Variants in MYL6 observed in about 807,000 individuals in gnomAD.
MYL6 encodes myosin light chain 6.
In MYL6, 20 loss-of-function variants were observed where a neutral mutation model predicts 20.3. The observed-to-expected ratio is 0.98, with a 90% CI of 0.69 to 1.43. The LOEUF (loss-of-function observed/expected upper bound fraction) is 1.43, where lower values mean the gene tolerates loss of function less well. MYL6 is among the 40% of genes most tolerant of loss of function. The pLI is 0.00. For synonymous variants in MYL6, 77 were observed against 72.4 expected, an observed-to-expected ratio of 1.06 and a Z score of -0.32; for missense variants, 164 against 191.0, an observed-to-expected ratio of 0.86 and a Z score of 0.83.
chr12:56,159,617 G>A lies in MYL6; in HGVS notation c.62G>A (p.Arg21Gln), dbSNP rs780249168. ...EFKEAFQLFD[R>Q]TGDGKILYSQ... ...AAGGAGGCCTTCCAGCTGTTTGACC[G>A]AACAGGTGATGGCAAGATCCTGTAC... Residue 21 changes from arginine (R) to glutamine (Q), a missense_variant, in exon 3 of 7, where the codon CGA becomes CAA. Physicochemically the swap from Arg to Gln is conservative, Grantham distance 43 (BLOSUM62 1). Transcript: ENST00000550697. The A allele has an allele frequency of 1.3e-5, 21 of 1,613,766 alleles. No individual in the cohort carries two copies. Among genetic ancestry groups the A allele is most frequent in the East Asian group, 2.2e-5 (1 of 44,894 alleles).
At position 56,158,385 on chromosome 12, in the gene MYL6, A is replaced by C; in HGVS notation, c.-17A>C. 2.0e-6 allele frequency: 3 copies of C among 1,519,970 alleles called. No homozygotes were observed. The highest frequency in any genetic ancestry group is 2.6e-6 in the Non-Finnish European group (3 of 1,137,026). The allele number at this position is 1,519,970 out of a possible 1,614,324, so 94.2% of individuals were successfully genotyped here. ...CCATTACTGCAGGAAAAGGTCCCGG[A>C]GAGCTGAGCAGTCAAGATGGTGGGG... On this transcript the variant is annotated 5_prime_UTR_variant, in exon 1 of 7. Transcript: ENST00000550697.
rs370468351 is a variant in MYL6, at chr12:56,161,409, T to C, written c.*39T>C. 3.1e-6 allele frequency: 5 copies of C among 1,614,102 alleles called. No homozygotes were observed. The African/African-American group carries it at 5.3e-5, about 17-fold the overall frequency. ...CAGAGCTCGTCCGCATGGTGCTGAA[T>C]GGCTGAGGACCTTCCCAGTCTCCCC... On this transcript the variant is annotated 3_prime_UTR_variant, in exon 7 of 7. Coordinates refer to ENST00000550697, the MANE Select transcript of MYL6 (RefSeq NM_021019.5).
At chr12:56,160,584 CTT>C (rs760953605) in intron 5 of MYL6, 40 bp from the exon 6 acceptor site, 2 of 1,611,134 alleles carry the variant, frequency 1.2e-6, no homozygotes, top group Non-Finnish European at 1.7e-6. Flanking sequence ...CACCCCATGT[CTT>C]TGTCTTGTCT....
intron 6 of MYL6, 171 bp from the exon 7 acceptor site, chr12:56,161,216 G>C: frequency 1.4e-6 from 1 of 715,682 alleles, no homozygotes; most frequent in Non-Finnish European, 2.5e-6. Context: ...GGAGCTAGGG[G>C]CATGGAGAAC....
chr12:56,160,055 T>C lies in MYL6; in HGVS notation c.256T>C (p.Tyr86His). ...TVAKNKDQGT[Y>H]EDYVEGLRVF... ...GGCCAAGAACAAGGACCAGGGCACC[T>C]ATGAGGATTATGTCGAAGGACTTCG... Residue 86 changes from tyrosine (Y) to histidine (H), a missense_variant, in exon 4 of 7, where the codon TAT becomes CAT. Coordinates refer to ENST00000550697, the MANE Select transcript of MYL6 (RefSeq NM_021019.5). 2 of 1,614,150 alleles carry C rather than the reference T, an allele frequency of 1.2e-6. No homozygotes were observed. Among genetic ancestry groups the C allele is most frequent in the Middle Eastern group, 1.6e-4 (1 of 6,062 alleles).
chr12:56,159,102 G>A (rs1327499272), intron 2 of MYL6: 2 of 409,774 alleles, frequency 4.9e-6, no homozygotes, highest in Non-Finnish European at 8.4e-6. Context: ...TGTGAAGATT[G>A]TAGAGCAGTG....
In MYL6 at chr12:56,159,983, G is replaced by A; in HGVS notation, c.184G>A (p.Val62Met). 6.2e-7 allele frequency: 1 copy of A among 1,612,392 alleles called. No homozygotes were observed. Among genetic ancestry groups the A allele is most frequent in the Non-Finnish European group, 8.5e-7 (1 of 1,179,224 alleles). ...CACCTCCTTTATGGCAGAGATGAAT[G>A]TGAAGGTGCTGGACTTTGAGCACTT... ...LGNPKSDEMN[V>M]KVLDFEHFLP... The change falls in exon 4 of 7, where the codon GTG (valine) becomes ATG (methionine). Residue 62 changes from valine to methionine, a missense_variant. Coordinates refer to ENST00000550697, the MANE Select transcript of MYL6 (RefSeq NM_021019.5).
chr12:56,158,524 G>A (rs745505804), intron 1 of MYL6, 120 bp downstream of exon 1: 7 of 1,607,946 alleles, frequency 4.4e-6, no homozygotes, highest in Middle Eastern at 1.6e-4. Flanking sequence ...CGAAAGGTTG[G>A]AGGTGGGGTT....
chr12:56,161,505 A>C lies in MYL6; in HGVS notation c.*135A>C. The C allele has an allele frequency of 6.8e-7, 1 of 1,470,582 alleles. No homozygotes were observed. The allele number at this position is 1,470,582 out of a possible 1,614,324, so 91.1% of individuals were successfully genotyped here. The stretch of plus-strand genomic sequence containing the variant: ...TTTCCCTAGGCTTTCTTGTCTCAGC[A>C]ACTTTCCCATCTTGTCTCTCTTGGA... On this transcript the variant is annotated 3_prime_UTR_variant, in exon 7 of 7. Transcript: ENST00000550697.
chr12:56,158,391 G>A lies in MYL6; in HGVS notation c.-11G>A, dbSNP rs934577254. On this transcript the variant is annotated 5_prime_UTR_variant, in exon 1 of 7. Coordinates refer to ENST00000550697, the MANE Select transcript of MYL6 (RefSeq NM_021019.5). ...CTGCAGGAAAAGGTCCCGGAGAGCT[G>A]AGCAGTCAAGATGGTGGGGCCCAGG... 9 of 1,523,030 alleles carry A rather than the reference G, an allele frequency of 5.9e-6. No individual in the cohort carries two copies. Among genetic ancestry groups the A allele is most frequent in the South Asian group, 2.6e-5 (2 of 75,772 alleles). The allele number at this position is 1,523,030 out of a possible 1,614,324, so 94.3% of individuals were successfully genotyped here. A position where few individuals can be genotyped will look rare whatever the true frequency, so the allele number is the denominator to read the frequency against.
chr12:56,158,555 G>C, intron 1 of MYL6, 129 bp from the exon 2 acceptor site: 1 of 1,613,410 alleles, frequency 6.2e-7, no homozygotes, highest in Non-Finnish European at 8.5e-7. Context: ...GGGCCCTGCG[G>C]GGAAGCGAGT....
intron 2 of MYL6, chr12:56,159,103 T>C (rs1871532979): frequency 4.9e-6 from 2 of 407,536 alleles, no homozygotes; most frequent in East Asian, 1.2e-4. Flanking sequence ...GTGAAGATTG[T>C]AGAGCAGTGA....
chr12:56,158,495 C>T, intron 1 of MYL6, 91 bp downstream of exon 1: 1 of 1,585,770 alleles, frequency 6.3e-7, no homozygotes, highest in Non-Finnish European at 8.6e-7. Context: ...GGGTAGGAGG[C>T]AAAGGGAATC....
chr12:56,160,812 G>C, intron 6 of MYL6, 142 bp downstream of exon 6: 1 of 934,606 alleles, frequency 1.1e-6, no homozygotes, highest in Non-Finnish European at 1.6e-6. Context: ...GACTAGGGAG[G>C]GGAGGGATTC....
Position 56,158,791 on chromosome 12 carries a change from A to C in MYL6, c.31+80A>C. 2.5e-6 allele frequency: 4 copies of C among 1,595,374 alleles called. No homozygotes were observed. In the East Asian group the frequency reaches 9.0e-5, roughly 36 times the overall value. On this transcript the variant is annotated intron_variant, in intron 2 of 6. Transcript: ENST00000550697. The stretch of plus-strand genomic sequence containing the variant: ...CCCCAGCACCTATCCTCTAATCTTA[A>C]TCTGTCATCTCTTTAGCACCCCCAT...
chr12:56,159,611 T>C lies in MYL6; in HGVS notation c.56T>C (p.Phe19Ser), dbSNP rs765841394. The C allele has an allele frequency of 3.2e-5, 52 of 1,613,846 alleles. No homozygotes were observed. Among genetic ancestry groups the C allele is most frequent in the Non-Finnish European group, 4.4e-5 (52 of 1,179,930 alleles). Residue 19 changes from phenylalanine to serine, a missense_variant, in exon 3 of 7, where the codon TTT becomes TCT. Phe to Ser is a radical substitution (Grantham distance 155, BLOSUM62 -2). Transcript: ENST00000550697. ...TAEFKEAFQL[F>S]DRTGDGKILY... The stretch of plus-strand genomic sequence containing the variant: ...GAGTTCAAGGAGGCCTTCCAGCTGT[T>C]TGACCGAACAGGTGATGGCAAGATC...
At chr12:56,158,931 G>C (rs932579505) in intron 2 of MYL6, 1 of 1,417,594 alleles carries the variant, frequency 7.1e-7, no homozygotes, top group South Asian at 1.6e-5. Flanking sequence ...GTGAGTTTTA[G>C]GTGGTGTGGG....
intron 2 of MYL6, 67 bp from the exon 3 acceptor site, chr12:56,159,520 G>A: frequency 6.4e-6 from 10 of 1,573,210 alleles, no homozygotes; most frequent in Non-Finnish European, 8.7e-6. Flanking sequence ...TGAATGGGCA[G>A]CAGAGCTCTG....
At chr12:56,161,320 CCCCTGGCCCTTGGCGTACCCCTCCACAG>C in intron 6 of MYL6, 39 bp from the exon 7 acceptor site, 5 of 1,586,166 alleles carry the variant, frequency 3.2e-6, no homozygotes, top group Non-Finnish European at 4.3e-6. Context: ...GTCTGGTAGT[CCCCTGGCCCTTGGCGTACCCCTCCACAG>C]CCCTGTTCCC....
Sources: gnomAD v4.1 joint callset for allele counts on GRCh38, gnomAD v4.1.1 for gene constraint, MANE v1.5 for transcripts, NCBI Gene and HGNC (gene_info 2026-07-23, HGNC 2026-07-21) for gene names.